Variants in ACTR6 observed in about 807,000 individuals in gnomAD.
ACTR6 encodes the protein actin-related protein 6.
In ACTR6, 50 loss-of-function variants were observed where a neutral mutation model predicts 52.5. That is an observed-to-expected ratio of 0.95 (90% CI 0.76 to 1.20). The LOEUF is 1.20. Ranked by LOEUF, ACTR6 falls within the 50% of genes most tolerant of loss-of-function variation. The pLI, the probability that ACTR6 is intolerant of heterozygous loss-of-function variation, is 0.00. For synonymous variants in ACTR6, 135 were observed against 147.2 expected (o/e 0.92, Z 0.60); for missense variants, 344 against 472.4 (o/e 0.73, Z 2.52).
chr12:100,205,502 T>G (rs2096113737), intron 2 of ACTR6, 174 bp from the exon 3 acceptor site: 1 of 389,182 alleles, frequency 2.6e-6, no homozygotes, highest in South Asian at 9.6e-5. Context: ...TAAAAAAATT[T>G]TTTTTTAAAT....
chr12:100,205,079 C>A, intron 2 of ACTR6, 22 bp downstream of exon 2: 2 of 1,408,440 alleles, frequency 1.4e-6, no homozygotes, highest in Non-Finnish European at 2.0e-6. Flanking sequence ...AATTATGTTT[C>A]ATTTCTAGCA....
At position 100,205,076 on chromosome 12, in the gene ACTR6, T is replaced by G; in HGVS notation, c.186+19T>G. ...TCAAAAGGTAATCCAATTAATTATGTTTCATTTCTAGCATTGTAGACCTAA... is the reference window on the plus strand; with the variant it reads ...TCAAAAGGTAATCCAATTAATTATGGTTCATTTCTAGCATTGTAGACCTAA... On this transcript the variant is annotated intron_variant, in intron 2 of 10. Coordinates refer to ENST00000188312, the MANE Select transcript of ACTR6 (RefSeq NM_022496.5). The G allele has an allele frequency of 6.9e-7, 1 of 1,454,366 alleles. No individual in the cohort carries two copies. Among genetic ancestry groups the G allele is most frequent in the Non-Finnish European group, 9.5e-7 (1 of 1,052,580 alleles). The allele number at this position is 1,454,366 out of a possible 1,614,324, so 90.1% of individuals were successfully genotyped here.
At position 100,204,990 on chromosome 12, in the gene ACTR6, T is replaced by G. The variant is rs1295700987; in HGVS notation, c.119T>G (p.Phe40Cys). Residue 40 changes from phenylalanine (F) to cysteine (C), a missense_variant, in exon 2 of 11, where the codon TTT (phenylalanine) becomes TGT (cysteine). Transcript: ENST00000188312. ...TCAAAAACAGCACGTCTTAAAACTT[T>G]TACTGCCAACCAGATAGATGAAATA... ...FRSKTARLKT[F>C]TANQIDEIKD... 6.2e-7 allele frequency: 1 copy of G among 1,613,196 alleles called. No homozygotes were observed. Among genetic ancestry groups the G allele is most frequent in the Non-Finnish European group, 8.5e-7 (1 of 1,179,382 alleles).
intron 10 of ACTR6, among the ~76,000 whole-genome samples, chr12:100,223,296 G>A (rs2096129754): frequency 6.6e-6 from 1 of 151,926 alleles, no homozygotes; most frequent in Admixed American, 6.6e-5. Context: ...AGCTGAGATC[G>A]TGCCACTGCA....
At chr12:100,210,759 T>C (rs575032866) in intron 6 of ACTR6, among the ~76,000 whole-genome samples, 1 of 151,976 alleles carries the variant, frequency 6.6e-6, no homozygotes, top group South Asian at 2.1e-4. Context: ...TACATTAACA[T>C]AACTTATGCT....
intron 9 of ACTR6, 68 bp from the exon 10 acceptor site, chr12:100,219,940 C>T: frequency 1.3e-6 from 2 of 1,547,040 alleles, no homozygotes; most frequent in Non-Finnish European, 1.8e-6. Flanking sequence ...TCATCCACAT[C>T]TTTCCAGAAA....
chr12:100,208,138 G>A (rs2096116543), intron 4 of ACTR6, among the ~76,000 whole-genome samples: 1 of 151,892 alleles, frequency 6.6e-6, no homozygotes, highest in Admixed American at 6.6e-5. Context: ...GTGACAGAGT[G>A]AGATCCTGTC....
Position 100,218,318 on chromosome 12 carries a change from A to G in ACTR6, c.751-97A>G, listed in dbSNP as rs1055958070. 7 of 697,564 alleles carry G rather than the reference A, an allele frequency of 1.0e-5. No homozygotes were observed. The highest frequency in any genetic ancestry group is 1.4e-5 in the Non-Finnish European group (7 of 491,608). The allele number at this position is 697,564 out of a possible 1,614,324, so 43.2% of individuals were successfully genotyped here. A position where few individuals can be genotyped will look rare whatever the true frequency, so the allele number is the denominator to read the frequency against. ...CTTCCAAGAACATTATTAATATATTATTAATATATTATTGCATATATAATT... is the reference window on the plus strand; with the variant it reads ...CTTCCAAGAACATTATTAATATATTGTTAATATATTATTGCATATATAATT... On this transcript the variant is annotated intron_variant, in intron 8 of 10. Transcript: ENST00000188312. The surrounding 1 kb of genome is among the most constrained non-coding windows in gnomAD (Gnocchi z 4.2).
intron 4 of ACTR6, among the ~76,000 whole-genome samples, chr12:100,209,365 T>TA (rs1351940370): frequency 1.3e-5 from 2 of 151,832 alleles, no homozygotes; most frequent in East Asian, 3.9e-4. Flanking sequence ...AAAAGAAAAT[T>TA]AAAAAATTAA....
intron 10 of ACTR6, chr12:100,221,856 TCTCA>T (rs1427094305): frequency 1.3e-5 from 2 of 151,220 alleles, no homozygotes; most frequent in African/African-American, 4.9e-5. Flanking sequence ...AGAGATGGAG[TCTCA>T]CTGTTTCACC....
intron 1 of ACTR6, among the ~76,000 whole-genome samples, chr12:100,201,780 C>T (rs116573701): frequency 6.6e-6 from 1 of 152,196 alleles, no homozygotes; most frequent in Non-Finnish European, 1.5e-5. Context: ...CACCACCACT[C>T]CCAGCGAATT....
chr12:100,224,379 A>G lies in ACTR6; in HGVS notation c.*464A>G, dbSNP rs1173891820. On this transcript the variant is annotated 3_prime_UTR_variant, in exon 11 of 11. Coordinates refer to ENST00000188312, the MANE Select transcript of ACTR6 (RefSeq NM_022496.5). ...AATGTTTATTTTGTACCTAGAGTAC[A>G]TTTAAAAGGGTGGAGACTAAGCTAA... 6.6e-6 allele frequency: 1 copy of G among 152,518 alleles called. No individual in the cohort carries two copies. The highest frequency in any genetic ancestry group is 1.5e-5 in the Non-Finnish European group (1 of 68,288). 9.4% of individuals were successfully genotyped at this position (152,518 alleles called of 1,614,324 possible).
Position 100,202,024 on chromosome 12 carries a change from C to T in ACTR6, c.68+1105C>T, listed in dbSNP as rs11610585. 6.4e-3 allele frequency among the ~76,000 whole-genome samples: 976 copies of T among 151,642 alleles called. 5 individuals are homozygous for T. Among genetic ancestry groups the T allele is most frequent in the Non-Finnish European group, 0.011 (752 of 67,848 alleles). ...TCGGCTCGCTGCAACCTCTGCCTCC[C>T]GGGTTCAAGCCATTCTCATGCCTCA... On this transcript the variant is annotated intron_variant, in intron 1 of 10. Transcript: ENST00000188312.
chr12:100,201,383 G>A (rs1184243086), intron 1 of ACTR6, among the ~76,000 whole-genome samples: 1 of 152,206 alleles, frequency 6.6e-6, no homozygotes, highest in Non-Finnish European at 1.5e-5. Flanking sequence ...CCTACTGGCC[G>A]ACCTAGTTGG....
At chr12:100,201,918 A>G (rs2096110046) in intron 1 of ACTR6, among the ~76,000 whole-genome samples, 1 of 150,086 alleles carries the variant, frequency 6.7e-6, no homozygotes, top group Non-Finnish European at 1.5e-5. Context: ...CCCTACACCC[A>G]GCTGACAAAG....
intron 8 of ACTR6, among the ~76,000 whole-genome samples, chr12:100,214,359 A>G (rs2096122317): frequency 1.3e-5 from 2 of 152,094 alleles, no homozygotes; most frequent in Non-Finnish European, 1.5e-5. Flanking sequence ...TTTGGGCCAG[A>G]TTATTGAGGT....
At chr12:100,215,555 T>C (rs561314004) in intron 8 of ACTR6, among the ~76,000 whole-genome samples, 1 of 152,176 alleles carries the variant, frequency 6.6e-6, no homozygotes. Flanking sequence ...CAGGATACAC[T>C]CTGTTGCTGA....
chr12:100,200,843 G>A lies in ACTR6; in HGVS notation c.-9G>A. On this transcript the variant is annotated 5_prime_UTR_variant, in exon 1 of 11. Transcript: ENST00000188312. ...AAACAACTACGGCTGCGGTGTGGTT[G>A]GTGGTGAGATGACGACCTTAGTGCT... 5.0e-6 allele frequency: 8 copies of A among 1,614,036 alleles called. No individual in the cohort carries two copies. Among genetic ancestry groups the A allele is most frequent in the Non-Finnish European group, 5.9e-6 (7 of 1,179,910 alleles).
At chr12:100,217,606 A>T (rs1421316402) in intron 8 of ACTR6, among the ~76,000 whole-genome samples, 1 of 152,328 alleles carries the variant, frequency 6.6e-6, no homozygotes, top group Non-Finnish European at 1.5e-5. Context: ...GCAGAAAATA[A>T]ATAACAAGAA....
Sources: gnomAD v4.1 joint callset for allele counts (sites outside exome capture counted in the v4.1 genomes callset) on GRCh38, gnomAD v4.1.1 for gene constraint, Gnocchi (gnomAD v3.1) non-coding constraint, MANE v1.5 for transcripts, NCBI Gene and HGNC (gene_info 2026-07-23, HGNC 2026-07-21) for gene names.